The following LUZP2 variants were observed in gnomAD, a reference collection of about 807,000 sequenced individuals.
LUZP2 encodes leucine zipper protein 2.
In LUZP2, 52 loss-of-function variants were observed where a neutral mutation model predicts 51.6. The ratio of observed to expected loss-of-function variants is 1.01; its 90% confidence interval spans 0.81 to 1.27. LUZP2 has a LOEUF of 1.27. Among genes scored for constraint, LUZP2 ranks in the 50% most tolerant of loss-of-function variants. The pLI is 0.00. For missense variants in LUZP2, 436 were observed against 395.4 expected (o/e 1.10, Z -0.87); for synonymous variants, 154 against 137.3 (o/e 1.12, Z -0.85).
intron 7 of LUZP2, among the ~76,000 whole-genome samples, chr11:24,928,773 A>G (rs573173208): frequency 6.6e-6 from 1 of 151,998 alleles, no homozygotes; most frequent in South Asian, 2.1e-4. Context: ...CCTCTTTCTT[A>G]ACATTTTGGA....
In LUZP2 at chr11:24,722,879, T is replaced by C. The variant is rs1858330349; in HGVS notation, c.63-6290T>C. ...TTGCAGTGAGCCGATATCATGCCAC[T>C]GCACTACAACCTGGGCAACAGAGTG... On this transcript the variant is annotated intron_variant, in intron 1 of 11. Coordinates refer to ENST00000336930, the MANE Select transcript of LUZP2 (RefSeq NM_001009909.4). Among the ~76,000 whole-genome samples, 6 of 151,506 alleles carry C rather than the reference T, an allele frequency of 4.0e-5. No individual in the cohort carries two copies. The South Asian group carries it at 1.3e-3, about 32-fold the overall frequency.
intron 5 of LUZP2, among the ~76,000 whole-genome samples, chr11:24,833,303 C>A (rs1564959856): frequency 6.6e-6 from 1 of 152,134 alleles, no homozygotes; most frequent in Non-Finnish European, 1.5e-5. Flanking sequence ...AATGGTAGAA[C>A]TCTGAAAGAT....
intron 7 of LUZP2, among the ~76,000 whole-genome samples, chr11:24,958,588 T>G (rs1035852280): frequency 6.6e-6 from 1 of 152,110 alleles, no homozygotes; most frequent in Admixed American, 6.6e-5. Flanking sequence ...TCACCCACTT[T>G]TTGATGGGGT....
Position 25,040,343 on chromosome 11 carries a change from A to ATTTTTTTTT in LUZP2, c.766-9683_766-9675dup, listed in dbSNP as rs57668112. 1.8e-3 allele frequency among the ~76,000 whole-genome samples: 177 copies of ATTTTTTTTT among 98,814 alleles called. 23 individuals carry two copies. Among genetic ancestry groups the ATTTTTTTTT allele is most frequent in the South Asian group, 0.012 (38 of 3,120 alleles). 64.8% of individuals were successfully genotyped at this position (98,814 alleles called of 152,430 possible). The stretch of plus-strand genomic sequence containing the variant: ...AGAGAGCCACTTTTCTTTCTTTCCG[A>ATTTTTTTTT]TTTTTTTTTTTTTTTTTTTTGCCAA... On this transcript the variant is annotated intron_variant, in intron 9 of 11. Transcript: ENST00000336930.
At chr11:25,013,832 T>C (rs1489148545) in intron 9 of LUZP2, among the ~76,000 whole-genome samples, 2 of 152,106 alleles carry the variant, frequency 1.3e-5, no homozygotes, top group East Asian at 1.9e-4. Context: ...ATGTGACATG[T>C]TGGTGTGCTG....
chr11:24,697,982 C>T (rs1237122746), intron 1 of LUZP2, among the ~76,000 whole-genome samples: 2 of 152,116 alleles, frequency 1.3e-5, no homozygotes, highest in Admixed American at 6.6e-5. Flanking sequence ...TTCTGATGTT[C>T]CTATGATTTA....
chr11:24,986,698 G>C (rs1339483185), intron 9 of LUZP2, among the ~76,000 whole-genome samples: 6 of 151,348 alleles, frequency 4.0e-5, no homozygotes, highest in African/African-American at 1.5e-4. Flanking sequence ...TAAACAAAAA[G>C]GCTTGTGTAA....
intron 6 of LUZP2, among the ~76,000 whole-genome samples, chr11:24,908,777 A>T (rs1853538995): frequency 7.2e-6 from 1 of 138,818 alleles, no homozygotes. Context: ...TTTTTTTGAG[A>T]CTGAGTCTCC....
At chr11:24,708,192 T>C (rs1000455756) in intron 1 of LUZP2, among the ~76,000 whole-genome samples, 1 of 152,202 alleles carries the variant, frequency 6.6e-6, no homozygotes. Flanking sequence ...TATTAATTCT[T>C]TGAAAAGAAA....
chr11:24,746,343 T>G (rs1179298700), intron 4 of LUZP2, among the ~76,000 whole-genome samples: 1 of 152,184 alleles, frequency 6.6e-6, no homozygotes, highest in African/African-American at 2.4e-5. Context: ...AATTCTTAGC[T>G]GGTAATTGTT....
chr11:24,955,450 G>T (rs1855187099), intron 7 of LUZP2, among the ~76,000 whole-genome samples: 2 of 151,974 alleles, frequency 1.3e-5, no homozygotes, highest in South Asian at 2.1e-4. Context: ...TATTAGGCCT[G>T]CAGTAAATGC....
intron 1 of LUZP2, among the ~76,000 whole-genome samples, chr11:24,674,486 A>T (rs1245281870): frequency 6.6e-6 from 1 of 152,234 alleles, no homozygotes; most frequent in Non-Finnish European, 1.5e-5. Context: ...CACAAAAATA[A>T]GGTGAAGGAA....
intron 1 of LUZP2, among the ~76,000 whole-genome samples, chr11:24,674,897 C>A (rs1856497944): frequency 1.3e-5 from 2 of 152,130 alleles, no homozygotes; most frequent in Admixed American, 1.3e-4. Flanking sequence ...ATAGTCTTCC[C>A]TTTTTCCCAA....
In LUZP2 at chr11:24,959,680, A is replaced by G. The variant is rs1207165306; in HGVS notation, c.523-16911A>G. 5.3e-5 allele frequency among the ~76,000 whole-genome samples: 8 copies of G among 152,210 alleles called. No homozygotes were observed. In the East Asian group the frequency reaches 1.3e-3, roughly 26 times the overall value. ...AGACAGTGGGGTTTTCTAGATATAC[A>G]ATCATGTTGACTGCAAACAGGGACA... On this transcript the variant is annotated intron_variant, in intron 7 of 11. Coordinates refer to ENST00000336930, the MANE Select transcript of LUZP2 (RefSeq NM_001009909.4).
At chr11:24,742,057 T>TTA (rs1554983398) in intron 4 of LUZP2, among the ~76,000 whole-genome samples, 2,355 of 116,280 alleles carry the variant, frequency 0.02, 98 homozygotes, top group Non-Finnish European at 0.023. Context: ...ATAAATATAA[T>TTA]TATATATATA....
intron 9 of LUZP2, among the ~76,000 whole-genome samples, chr11:25,031,009 ATATATAT>A (rs1565255347): frequency 2.9e-3 from 9 of 3,138 alleles, no homozygotes; most frequent in African/African-American, 0.014. Context: ...ATATATATAT[ATATATAT>A]TTTTTTTTTT....
chr11:24,906,620 T>C (rs1853463540), intron 6 of LUZP2, among the ~76,000 whole-genome samples: 1 of 152,156 alleles, frequency 6.6e-6, no homozygotes, highest in Non-Finnish European at 1.5e-5. Context: ...CTTATGACTC[T>C]GTAATGTGAA....
At chr11:24,920,640 G>A (rs1157911792) in intron 7 of LUZP2, among the ~76,000 whole-genome samples, 1 of 151,820 alleles carries the variant, frequency 6.6e-6, no homozygotes, top group Non-Finnish European at 1.5e-5. Context: ...CAGCAATACA[G>A]GTGAAACTGG....
intron 1 of LUZP2, among the ~76,000 whole-genome samples, chr11:24,586,569 G>A (rs1360909726): frequency 6.6e-6 from 1 of 151,970 alleles, no homozygotes; most frequent in Non-Finnish European, 1.5e-5. Context: ...CCATTAAAAA[G>A]TCATACATTT....
Sources: allele counts gnomAD v4.1 joint callset (sites outside exome capture counted in the v4.1 genomes callset), GRCh38; gene constraint gnomAD v4.1.1; transcripts MANE v1.5; gene names NCBI Gene and HGNC (gene_info 2026-07-23, HGNC 2026-07-21).